Variants in BORCS5 observed in about 807,000 individuals in gnomAD.
BORCS5 encodes BLOC-1 related complex subunit 5, also known as BLOC-1-related complex subunit 5.
In BORCS5, 17 loss-of-function variants were observed where a neutral mutation model predicts 22.1. The ratio of observed to expected loss-of-function variants is 0.77; its 90% confidence interval spans 0.53 to 1.15. The LOEUF is 1.15. Among genes scored for constraint, BORCS5 ranks in the 50% most tolerant of loss-of-function variants. The pLI is 0.00. For missense variants in BORCS5, 247 were observed against 253.2 expected, an observed-to-expected ratio of 0.98 and a Z score of 0.17; for synonymous variants, 117 against 99.8, an observed-to-expected ratio of 1.17 and a Z score of -1.03.
intron 3 of BORCS5, among the ~76,000 whole-genome samples, chr12:12,448,225 A>T (rs902351134): frequency 6.6e-6 from 1 of 151,702 alleles, no homozygotes; most frequent in Non-Finnish European, 1.5e-5. Context: ...TTATTTATTT[A>T]TTTTTTGAGA....
At chr12:12,432,014 C>T (rs1035034850) in intron 2 of BORCS5, among the ~76,000 whole-genome samples, 1 of 152,110 alleles carries the variant, frequency 6.6e-6, no homozygotes, top group Non-Finnish European at 1.5e-5. Flanking sequence ...TTTCTAGGCA[C>T]TCTTTATATA....
intron 2 of BORCS5, among the ~76,000 whole-genome samples, chr12:12,414,612 C>A (rs1201018013): frequency 1.0e-5 from 1 of 99,882 alleles, no homozygotes; most frequent in Admixed American, 8.6e-5. Flanking sequence ...CAGAGGGGCT[C>A]CTCACTTCCC....
chr12:12,415,684 G>T (rs749022367), intron 2 of BORCS5, among the ~76,000 whole-genome samples: 1 of 151,420 alleles, frequency 6.6e-6, no homozygotes, highest in African/African-American at 2.4e-5. Flanking sequence ...AATCTCACTT[G>T]GTCATGGTGT....
At chr12:12,452,570 T>G in intron 3 of BORCS5, 1 of 343,564 alleles carries the variant, frequency 2.9e-6, no homozygotes, top group Non-Finnish European at 5.7e-6. Context: ...CCGGCGATCC[T>G]TCCCCACCCA....
rs1943259487 is a variant in BORCS5, at chr12:12,469,710, G to C, written c.*3934G>C. ...TGCAATTGGGAAACTTGGTCTTCCT[G>C]ATTTGTTTATACTTCAGCCAAACCC... On this transcript the variant is annotated 3_prime_UTR_variant, in exon 4 of 4. Coordinates refer to ENST00000314565, the MANE Select transcript of BORCS5 (RefSeq NM_058169.6). 1.3e-5 allele frequency: 2 copies of C among 152,214 alleles called. No individual in the cohort carries two copies. The highest frequency in any genetic ancestry group is 1.3e-4 in the Admixed American group (2 of 15,282). 9.4% of individuals were successfully genotyped at this position (152,214 alleles called of 1,614,324 possible).
chr12:12,379,707 A>G (rs1365366847), intron 2 of BORCS5, among the ~76,000 whole-genome samples: 1 of 151,352 alleles, frequency 6.6e-6, no homozygotes, highest in Non-Finnish European at 1.5e-5. Flanking sequence ...GCTTTGTCTC[A>G]GTGGAATGTT....
intron 2 of BORCS5, among the ~76,000 whole-genome samples, chr12:12,397,093 T>C (rs560929764): frequency 6.6e-6 from 1 of 152,324 alleles, no homozygotes; most frequent in Non-Finnish European, 1.5e-5. Context: ...TTTTGTTAAA[T>C]AGTTGCAGTT....
rs1270636979 is a variant in BORCS5 at position 12,469,511 on chromosome 12, T to C, written c.*3735T>C. 1.3e-5 allele frequency: 2 copies of C among 152,256 alleles called. No individual in the cohort carries two copies. The highest frequency in any genetic ancestry group is 2.9e-5 in the Non-Finnish European group (2 of 68,050). The allele number at this position is 152,256 out of a possible 1,614,324, so 9.4% of individuals were successfully genotyped here. A position where few individuals can be genotyped will look rare whatever the true frequency, so the allele number is the denominator to read the frequency against. ...GGTACTGTTACCCTTACGTTATAGG[T>C]ATTACAAACTCGGTTTTACAAGGTT... On this transcript the variant is annotated 3_prime_UTR_variant, in exon 4 of 4. Coordinates refer to ENST00000314565, the MANE Select transcript of BORCS5 (RefSeq NM_058169.6).
chr12:12,400,732 A>G (rs998887163), intron 2 of BORCS5, among the ~76,000 whole-genome samples: 2 of 152,090 alleles, frequency 1.3e-5, no homozygotes, highest in African/African-American at 4.8e-5. Flanking sequence ...CCCATCCTTT[A>G]TATCCTTCCC....
chr12:12,455,842 C>G (rs1942990521), intron 3 of BORCS5, among the ~76,000 whole-genome samples: 1 of 148,108 alleles, frequency 6.8e-6, no homozygotes, highest in African/African-American at 2.5e-5. Context: ...TTTAACATTT[C>G]TTTTAAACTT....
At chr12:12,464,576 G>A (rs1194017946) in intron 3 of BORCS5, among the ~76,000 whole-genome samples, 2 of 152,166 alleles carry the variant, frequency 1.3e-5, no homozygotes, top group Non-Finnish European at 1.5e-5. Context: ...CAGTAGTTGA[G>A]CTGTTTTCTC....
chr12:12,359,376 T>G, intron 1 of BORCS5, among the ~76,000 whole-genome samples: 1 of 150,984 alleles, frequency 6.6e-6, no homozygotes, highest in East Asian at 1.9e-4. Context: ...TTTTTTTTTT[T>G]TTTTTTTGAG....
intron 2 of BORCS5, among the ~76,000 whole-genome samples, chr12:12,413,128 A>G (rs1345535814): frequency 4.7e-5 from 1 of 21,074 alleles, no homozygotes; most frequent in African/African-American, 3.1e-4. Flanking sequence ...TTTTTTTTTT[A>G]TTGATCATTC....
chr12:12,415,033 C>T (rs1225324706), intron 2 of BORCS5, among the ~76,000 whole-genome samples: 1 of 140,786 alleles, frequency 7.1e-6, no homozygotes, highest in Non-Finnish European at 1.6e-5. Context: ...GATGGGATGG[C>T]GGCCGGGCGG....
At chr12:12,399,899 C>A (rs1347203162) in intron 2 of BORCS5, among the ~76,000 whole-genome samples, 3 of 152,222 alleles carry the variant, frequency 2.0e-5, no homozygotes, top group Non-Finnish European at 2.9e-5. Context: ...GTTTTCCACT[C>A]ATCTGGACTT....
chr12:12,452,463 G>A, intron 3 of BORCS5: 1 of 502,860 alleles, frequency 2.0e-6, no homozygotes, highest in East Asian at 5.7e-5. Context: ...TGATTGTTAA[G>A]ATTAGGATCG....
intron 2 of BORCS5, among the ~76,000 whole-genome samples, chr12:12,422,479 T>A (rs891910832): frequency 1.3e-5 from 2 of 152,108 alleles, no homozygotes; most frequent in Non-Finnish European, 2.9e-5. Context: ...CCAGGCGTGG[T>A]GGCACATGCC....
intron 2 of BORCS5, among the ~76,000 whole-genome samples, chr12:12,400,159 A>G (rs1463073283): frequency 6.6e-6 from 1 of 152,188 alleles, no homozygotes; most frequent in African/African-American, 2.4e-5. Flanking sequence ...TGGTTTGAAA[A>G]CATTCAGTTG....
chr12:12,469,755 G>A lies in BORCS5; in HGVS notation c.*3979G>A, dbSNP rs1406508023. On this transcript the variant is annotated 3_prime_UTR_variant, in exon 4 of 4. Transcript: ENST00000314565. ...AAACCCAGATATATAGTGCTCAGCA[G>A]AAATTATTCAAAATGTTGATACTCA... 1 of 152,194 alleles carries A rather than the reference G, an allele frequency of 6.6e-6. No individual in the cohort carries two copies. The highest frequency in any genetic ancestry group is 1.5e-5 in the Non-Finnish European group (1 of 68,034). The allele number at this position is 152,194 out of a possible 1,614,324, so 9.4% of individuals were successfully genotyped here.
Sources: allele counts gnomAD v4.1 joint callset (sites outside exome capture counted in the v4.1 genomes callset), GRCh38; gene constraint gnomAD v4.1.1; transcripts MANE v1.5; gene names NCBI Gene and HGNC (gene_info 2026-07-23, HGNC 2026-07-21).